UNCX: variants seen among roughly 807,000 people sequenced by gnomAD.
The protein encoded by UNCX is UNC homeobox, also known as homeobox protein unc-4 homolog.
A neutral mutation model predicts 14.8 loss-of-function variants in UNCX; 4 were observed. That is an observed-to-expected ratio of 0.27 (90% CI 0.13 to 0.62). UNCX has a LOEUF of 0.62. Ranked by LOEUF, UNCX falls within the 20% of genes least tolerant of loss-of-function variation. The pLI is 0.86. For missense variants in UNCX, 749 were observed against 786.8 expected, an observed-to-expected ratio of 0.95 and a Z score of 0.58; for synonymous variants, 459 against 395.8, an observed-to-expected ratio of 1.16 and a Z score of -1.90.
At chr7:1,235,764 G>T in intron 2 of UNCX, 68 bp from the exon 3 acceptor site, 3 of 1,443,640 alleles carry the variant, frequency 2.1e-6, no homozygotes, top group Non-Finnish European at 2.8e-6. Context: ...GGAGCGGGGA[G>T]GTCCTCGGCC....
rs749832137 is a variant in UNCX, at chr7:1,236,557, G to T, written c.1176G>T (p.Pro392=). ...PITQPLGFLV[P]QAALKGGAGL... is the part of the protein sequence containing the mutation. ...CGCAGCCGCTCGGCTTCCTGGTGCC[G>T]CAGGCCGCGCTCAAGGGCGGCGCGG... The change falls in exon 3 of 3, where the codon CCG becomes CCT. Residue 392 remains proline (P), a synonymous_variant. Coordinates refer to ENST00000316333, the MANE Select transcript of UNCX (RefSeq NM_001080461.3). This position sits in a 1 kb window ranked among gnomAD's most constrained non-coding sequence, Gnocchi z 6.9. The T allele has an allele frequency of 1.5e-6, 2 of 1,361,298 alleles. No individual in the cohort carries two copies. The highest frequency in any genetic ancestry group is 2.5e-5 in the Admixed American group (1 of 40,396). The allele number at this position is 1,361,298 out of a possible 1,614,324, so 84.3% of individuals were successfully genotyped here.
chr7:1,237,174 G>C lies in UNCX; in HGVS notation c.*197G>C. ...GGACCCAGGCAGCAACCACAGGACT[G>C]GGGGTGAGACCCTCCTCCTCCCAAG... On this transcript the variant is annotated 3_prime_UTR_variant, in exon 3 of 3. Coordinates refer to ENST00000316333, the MANE Select transcript of UNCX (RefSeq NM_001080461.3). This position sits in a 1 kb window ranked among gnomAD's most constrained non-coding sequence, Gnocchi z 5.8. The C allele has an allele frequency of 3.0e-6, 1 of 337,702 alleles. No individual in the cohort carries two copies. The highest frequency in any genetic ancestry group is 4.5e-6 in the Non-Finnish European group (1 of 224,108). The allele number at this position is 337,702 out of a possible 1,614,324, so 20.9% of individuals were successfully genotyped here.
In UNCX at chr7:1,236,271, C is replaced by A. The variant is rs753777265; in HGVS notation, c.890C>A (p.Pro297Gln). The A allele has an allele frequency of 8.7e-6, 12 of 1,377,924 alleles. No homozygotes were observed. Among genetic ancestry groups the A allele is most frequent in the South Asian group, 5.5e-5 (4 of 72,372 alleles). The allele number at this position is 1,377,924 out of a possible 1,614,324, so 85.4% of individuals were successfully genotyped here. The change falls in exon 3 of 3, where the codon CCG becomes CAG. Residue 297 changes from proline (P) to glutamine (Q), a missense_variant. Physicochemically the swap from Pro to Gln is moderately conservative, Grantham distance 76. This residue lies in a region of UNCX where 552 missense variants were observed against 507.2 expected (regional missense o/e 1.09). Coordinates refer to ENST00000316333, the MANE Select transcript of UNCX (RefSeq NM_001080461.3). The surrounding 1 kb of genome is among the most constrained non-coding windows in gnomAD (Gnocchi z 6.9). ...PSQRSGAGPQ[P>Q]RPGRPADKDA... ...CAAAGAAGCGGCGCCGGCCCACAGC[C>A]GCGCCCAGGTCGCCCTGCGGACAAG...
chr7:1,232,935 C>CTCGGTGGTCAA lies in UNCX; in HGVS notation c.-83_-82insTCGGTGGTCAA. ...GGGTCCCTGTCTCCGCCGCCGCCGC[C>CTCGGTGGTCAA]CGCGCCTCCCGCCGCTGGCCCGCCC... On this transcript the variant is annotated 5_prime_UTR_variant, in exon 1 of 3. Coordinates refer to ENST00000316333, the MANE Select transcript of UNCX (RefSeq NM_001080461.3). The CTCGGTGGTCAA allele has an allele frequency of 1.4e-6, 1 of 731,232 alleles. No individual in the cohort carries two copies. The highest frequency in any genetic ancestry group is 1.7e-6 in the Non-Finnish European group (1 of 600,704). The allele number at this position is 731,232 out of a possible 1,614,324, so 45.3% of individuals were successfully genotyped here.
Position 1,237,163 on chromosome 7 carries a change from A to ACCACAG in UNCX, c.*187_*192dup, listed in dbSNP as rs1778764457. 2.4e-6 allele frequency: 1 copy of ACCACAG among 409,340 alleles called. No individual in the cohort carries two copies. The highest frequency in any genetic ancestry group is 3.5e-6 in the Non-Finnish European group (1 of 289,106). The allele number at this position is 409,340 out of a possible 1,614,324, so 25.4% of individuals were successfully genotyped here. ...TGTATGAATTCGGACCCAGGCAGCA[A>ACCACAG]CCACAGGACTGGGGGTGAGACCCTC... On this transcript the variant is annotated 3_prime_UTR_variant, in exon 3 of 3. Coordinates refer to ENST00000316333, the MANE Select transcript of UNCX (RefSeq NM_001080461.3). The surrounding 1 kb of genome is among the most constrained non-coding windows in gnomAD (Gnocchi z 5.8).
intron 2 of UNCX, 60 bp from the exon 3 acceptor site, chr7:1,235,772 G>GC (rs1778727030): frequency 1.3e-6 from 2 of 1,507,438 alleles, no homozygotes; most frequent in Non-Finnish European, 1.8e-6. Flanking sequence ...GAGGTCCTCG[G>GC]CCCCGGCGGC....
In UNCX at chr7:1,236,468, C is replaced by G. The variant is rs2128272931; in HGVS notation, c.1087C>G (p.Pro363Ala). 2 of 1,378,290 alleles carry G rather than the reference C, an allele frequency of 1.5e-6. No individual in the cohort carries two copies. The highest frequency in any genetic ancestry group is 1.9e-6 in the Non-Finnish European group (2 of 1,064,274). The allele number at this position is 1,378,290 out of a possible 1,614,324, so 85.4% of individuals were successfully genotyped here. ...CGCCGCCGCGGGGCTGGACTTCGCG[C>G]CCGGGCTGCCGTGCGCGCCGCGGAC... ...AAAAAGLDFA[P>A]GLPCAPRTLI... The change falls in exon 3 of 3, where the codon CCC becomes GCC. Residue 363 changes from proline (P) to alanine (A), a missense_variant. Coordinates refer to ENST00000316333, the MANE Select transcript of UNCX (RefSeq NM_001080461.3). This position sits in a 1 kb window ranked among gnomAD's most constrained non-coding sequence, Gnocchi z 6.9.
chr7:1,236,231 G>A lies in UNCX; in HGVS notation c.850G>A (p.Ala284Thr). ...EPPAPGTCDP[A>T]FYPSQRSGAG... ...GCCTGCACCCGGCACCTGCGACCCC[G>A]CCTTCTACCCGAGCCAAAGAAGCGG... is the stretch of plus-strand genomic sequence containing the variant. The change falls in exon 3 of 3, where the codon GCC (alanine) becomes ACC (threonine). Residue 284 changes from alanine (A) to threonine (T), a missense_variant. By Grantham distance (58) the Ala-to-Thr change is moderately conservative. Coordinates refer to ENST00000316333, the MANE Select transcript of UNCX (RefSeq NM_001080461.3). This position sits in a 1 kb window ranked among gnomAD's most constrained non-coding sequence, Gnocchi z 6.9. 1.5e-6 allele frequency: 2 copies of A among 1,359,456 alleles called. No individual in the cohort carries two copies. The highest frequency in any genetic ancestry group is 1.9e-6 in the Non-Finnish European group (2 of 1,046,682). 84.2% of individuals were successfully genotyped at this position (1,359,456 alleles called of 1,614,324 possible). A position where few individuals can be genotyped will look rare whatever the true frequency, so the allele number is the denominator to read the frequency against.
At chr7:1,234,117 G>T (rs1463323428) in intron 2 of UNCX, among the ~76,000 whole-genome samples, 6 of 152,198 alleles carry the variant, frequency 3.9e-5, no homozygotes, top group Admixed American at 3.9e-4. Flanking sequence ...TCCGCGCGAG[G>T]CTCTGTCACC....
At position 1,236,322 on chromosome 7, in the gene UNCX, C is replaced by A; in HGVS notation, c.941C>A (p.Ala314Asp). The A allele has an allele frequency of 1.5e-6, 2 of 1,302,806 alleles. No individual in the cohort carries two copies. The highest frequency in any genetic ancestry group is 9.7e-7 in the Non-Finnish European group (1 of 1,025,994). 80.7% of individuals were successfully genotyped at this position (1,302,806 alleles called of 1,614,324 possible). The change falls in exon 3 of 3, where the codon GCC (alanine) becomes GAC (aspartate). Residue 314 changes from alanine to aspartate, a missense_variant. Ala to Asp is a moderately radical substitution (Grantham distance 126). Coordinates refer to ENST00000316333, the MANE Select transcript of UNCX (RefSeq NM_001080461.3). This position sits in a 1 kb window ranked among gnomAD's most constrained non-coding sequence, Gnocchi z 6.9. ...DKDAASCGPG[A>D]AVAAVERGAA... ...GACGCGGCCTCGTGCGGGCCAGGGGCCGCTGTGGCGGCGGTGGAGCGCGGC... is the reference window on the plus strand; with the variant it reads ...GACGCGGCCTCGTGCGGGCCAGGGGACGCTGTGGCGGCGGTGGAGCGCGGC...
In UNCX at chr7:1,235,758, C is replaced by T. The variant is rs1195501549; in HGVS notation, c.451-74C>T. The T allele has an allele frequency of 8.8e-6, 12 of 1,366,342 alleles. No homozygotes were observed. The East Asian group carries it at 1.7e-4, about 19-fold the overall frequency. 84.6% of individuals were successfully genotyped at this position (1,366,342 alleles called of 1,614,324 possible). A position where few individuals can be genotyped will look rare whatever the true frequency, so the allele number is the denominator to read the frequency against. On this transcript the variant is annotated intron_variant, in intron 2 of 2. Transcript: ENST00000316333. Reference sequence around the variant, plus strand: ...GTTGTGCAGGCCCCTCTGGGGGGAGCGGGGAGGTCCTCGGCCCCGGCGGCC... The same window carrying T: ...GTTGTGCAGGCCCCTCTGGGGGGAGTGGGGAGGTCCTCGGCCCCGGCGGCC...
rs1778679877 is a variant in UNCX at position 1,233,321 on chromosome 7, G to C, written c.274+30G>C. The C allele has an allele frequency of 4.5e-6, 6 of 1,320,444 alleles. No homozygotes were observed. The East Asian group carries it at 1.6e-4, about 35-fold the overall frequency. 81.8% of individuals were successfully genotyped at this position (1,320,444 alleles called of 1,614,324 possible). ...GCGCGGCGGGCGGGAGGGCGGGGAG[G>C]AGTGCGGCTGGGGGCGGGGGCCCTG... On this transcript the variant is annotated intron_variant, in intron 1 of 2. Transcript: ENST00000316333. This position sits in a 1 kb window ranked among gnomAD's most constrained non-coding sequence, Gnocchi z 5.3.
Position 1,233,545 on chromosome 7 carries a change from C to T in UNCX, c.300C>T (p.Ser100=). ...LSDSGDPDKE[S]PGCKRRRTRT... ...ACTCGGGGGACCCGGACAAGGAGAG[C>T]CCGGGCTGCAAGCGGCGGCGCACCC... The change falls in exon 2 of 3, where the codon AGC becomes AGT. Residue 100 remains serine, a synonymous_variant. Transcript: ENST00000316333. This position sits in a 1 kb window ranked among gnomAD's most constrained non-coding sequence, Gnocchi z 5.3. The T allele has an allele frequency of 1.2e-6, 2 of 1,612,448 alleles. No individual in the cohort carries two copies. The highest frequency in any genetic ancestry group is 1.7e-6 in the Non-Finnish European group (2 of 1,179,738).
rs1454422175 is a variant in UNCX, at chr7:1,236,150, C to G, written c.769C>G (p.Pro257Ala). 95 of 1,237,796 alleles carry G rather than the reference C, an allele frequency of 7.7e-5. No homozygotes were observed. In the East Asian group the frequency reaches 3.2e-3, roughly 41 times the overall value. The allele number at this position is 1,237,796 out of a possible 1,614,324, so 76.7% of individuals were successfully genotyped here. Reference sequence around the variant, plus strand: ...GCCGCCGCCGCCCGCCGCCAAGGGCCCCGGAGCGCACGCCTCGGGCGCCGC... The same window carrying G: ...GCCGCCGCCGCCCGCCGCCAAGGGCGCCGGAGCGCACGCCTCGGGCGCCGC... Reference protein sequence around the residue: ...PEPPPPAAKGPGAHASGAAGT... With the variant: ...PEPPPPAAKGAGAHASGAAGT... The change falls in exon 3 of 3, where the codon CCC (proline) becomes GCC (alanine). Residue 257 changes from proline (P) to alanine (A), a missense_variant. Around this residue, in one of 3 missense-constraint regions of UNCX, gnomAD observed 552 missense variants for 507.2 expected, o/e 1.09. Coordinates refer to ENST00000316333, the MANE Select transcript of UNCX (RefSeq NM_001080461.3). The surrounding 1 kb of genome is among the most constrained non-coding windows in gnomAD (Gnocchi z 6.9).
chr7:1,236,380 C>A lies in UNCX; in HGVS notation c.999C>A (p.Ser333Arg). 1 of 1,367,490 alleles carries A rather than the reference C, an allele frequency of 7.3e-7. No individual in the cohort carries two copies. The allele number at this position is 1,367,490 out of a possible 1,614,324, so 84.7% of individuals were successfully genotyped here. A position where few individuals can be genotyped will look rare whatever the true frequency, so the allele number is the denominator to read the frequency against. ...AAGLPKASPF[S>R]VESLLSDSPP... ...GGCTGCCCAAGGCCAGCCCATTCAG[C>A]GTGGAGAGCCTCCTGTCCGACTCGC... Residue 333 changes from serine (S) to arginine (R), a missense_variant, in exon 3 of 3, where the codon AGC becomes AGA. By Grantham distance (110) the Ser-to-Arg change is moderately radical. Coordinates refer to ENST00000316333, the MANE Select transcript of UNCX (RefSeq NM_001080461.3). The surrounding 1 kb of genome is among the most constrained non-coding windows in gnomAD (Gnocchi z 6.9).
intron 2 of UNCX, among the ~76,000 whole-genome samples, chr7:1,234,729 A>C (rs1778707314): frequency 7.5e-6 from 1 of 133,692 alleles, no homozygotes; most frequent in African/African-American, 2.8e-5. Context: ...TCTTACAGGC[A>C]AGGCAGTCCG....
Position 1,232,990 on chromosome 7 carries a change from C to T in UNCX, c.-28C>T. ...CCCGGCCCGCGCCCCCGCGCCCCGC[C>T]ACCGGCCCCGCCGGCCCCCCGCGCG... is the stretch of plus-strand genomic sequence containing the variant. On this transcript the variant is annotated 5_prime_UTR_variant, in exon 1 of 3. Coordinates refer to ENST00000316333, the MANE Select transcript of UNCX (RefSeq NM_001080461.3). The T allele has an allele frequency of 3.5e-6, 4 of 1,151,580 alleles. No individual in the cohort carries two copies. Among genetic ancestry groups the T allele is most frequent in the Non-Finnish European group, 4.3e-6 (4 of 936,234 alleles). 71.3% of individuals were successfully genotyped at this position (1,151,580 alleles called of 1,614,324 possible).
intron 2 of UNCX, 123 bp from the exon 3 acceptor site, chr7:1,235,709 C>A (rs982814040): frequency 2.3e-6 from 2 of 879,910 alleles, no homozygotes; most frequent in African/African-American, 3.4e-5. Context: ...CGCGCGGCTT[C>A]ACTCCTGCCC....
rs555976004 is a variant in UNCX at position 1,234,853 on chromosome 7, C to T, written c.451-979C>T. On this transcript the variant is annotated intron_variant, in intron 2 of 2. Transcript: ENST00000316333. ...ACCTCCCCATGGACAAGGCTCCCTGCGACAAGGCTGGGCCTGCTATTGTGC... is the reference window on the plus strand; with the variant it reads ...ACCTCCCCATGGACAAGGCTCCCTGTGACAAGGCTGGGCCTGCTATTGTGC... 1.3e-4 allele frequency among the ~76,000 whole-genome samples: 20 copies of T among 151,792 alleles called. No homozygotes were observed. The South Asian group carries it at 4.2e-3, about 32-fold the overall frequency.
Sources: allele counts gnomAD v4.1 joint callset (sites outside exome capture counted in the v4.1 genomes callset), GRCh38; gene constraint gnomAD v4.1.1; regional missense constraint gnomAD v4.1.1; non-coding constraint Gnocchi (gnomAD v3.1); transcripts MANE v1.5; gene names NCBI Gene and HGNC (gene_info 2026-07-23, HGNC 2026-07-21).